Variants in RAN observed in about 807,000 individuals in gnomAD.
RAN encodes the protein GTP-binding nuclear protein Ran.
In RAN, 2 loss-of-function variants were observed where a neutral mutation model predicts 26.8. The ratio of observed to expected loss-of-function variants is 0.07; its 90% CI spans 0.03 to 0.23. RAN has a LOEUF of 0.23. RAN is among the 10% of genes least tolerant of loss of function. The probability of loss-of-function intolerance (pLI) is 1.00; values close to 1 mark genes in which losing one functional copy is unlikely to be tolerated. For synonymous variants in RAN, 132 were observed against 95.9 expected, an observed-to-expected ratio of 1.38 and a Z score of -2.20; for missense variants, 56 against 264.8, an observed-to-expected ratio of 0.21 and a Z score of 5.47.
At position 130,872,639 on chromosome 12, in the gene RAN, C is replaced by T. The variant is rs759761549; in HGVS notation, c.36+10C>T. On this transcript the variant is annotated intron_variant, in intron 2 of 6. Transcript: ENST00000543796. ...CCAGGTCCAGTTCAAAGTAGGTAAC[C>T]CTGCGGGGCGGGAGGCGGCCGAGCC... 11 of 1,525,534 alleles carry T rather than the reference C, an allele frequency of 7.2e-6. No individual in the cohort carries two copies. The highest frequency in any genetic ancestry group is 2.8e-5 in the African/African-American group (2 of 71,854). 94.5% of individuals were successfully genotyped at this position (1,525,534 alleles called of 1,614,324 possible).
chr12:130,876,146 C>T lies in RAN; in HGVS notation c.*220C>T. 1 of 576,102 alleles carries T rather than the reference C, an allele frequency of 1.7e-6. No homozygotes were observed. The highest frequency in any genetic ancestry group is 2.1e-5 in the South Asian group (1 of 46,606). The allele number at this position is 576,102 out of a possible 1,614,324, so 35.7% of individuals were successfully genotyped here. ...CTGCATATTTAGCTGTTTTGGAACG[C>T]AGTTGATTCCTTGAGTTTCATATAT... On this transcript the variant is annotated 3_prime_UTR_variant, in exon 7 of 7. Transcript: ENST00000543796.
chr12:130,875,932 A>C lies in RAN; in HGVS notation c.*6A>C. The C allele has an allele frequency of 6.2e-7, 1 of 1,613,996 alleles. No individual in the cohort carries two copies. The highest frequency in any genetic ancestry group is 1.3e-5 in the African/African-American group (1 of 75,052). ...ATGAGGATGATGACCTGTGAGAATG[A>C]AGCTGGAGCCCAGCGTCAGAAGTCT... is the stretch of plus-strand genomic sequence containing the variant. On this transcript the variant is annotated 3_prime_UTR_variant, in exon 7 of 7. Transcript: ENST00000543796.
chr12:130,872,147 C>T (rs751021957), intron 1 of RAN, 21 bp downstream of exon 1: 1 of 215,440 alleles, frequency 4.6e-6, no homozygotes, highest in Non-Finnish European at 1.0e-5. Context: ...CCGGCGGGCC[C>T]GGCACGGCCG....
At chr12:130,875,526 A>T in intron 5 of RAN, 86 bp from the exon 6 acceptor site, 2 of 1,269,996 alleles carry the variant, frequency 1.6e-6, no homozygotes, top group Non-Finnish European at 2.1e-6. Context: ...CAAGAATCTT[A>T]ACATTTTCTT....
intron 4 of RAN, chr12:130,873,921 G>T: frequency 4.6e-6 from 1 of 216,060 alleles, no homozygotes. Context: ...GCCCAACCTG[G>T]AGTGCAGCTT....
rs756073445 is a variant in RAN at position 130,874,527 on chromosome 12, C to G, written c.248-19C>G. On this transcript the variant is annotated intron_variant, in intron 4 of 6. Coordinates refer to ENST00000543796, the MANE Select transcript of RAN (RefSeq NM_006325.5). ...GTGCAGTAAACTGAGTGTACTAATT[C>G]CCACAAATGTTTCTTCAGCCCAGTG... 7 of 1,535,492 alleles carry G rather than the reference C, an allele frequency of 4.6e-6. No individual in the cohort carries two copies. Among genetic ancestry groups the G allele is most frequent in the Non-Finnish European group, 6.3e-6 (7 of 1,117,386 alleles).
chr12:130,873,163 A>T (rs1953170833), intron 4 of RAN, 35 bp downstream of exon 4: 1 of 1,613,394 alleles, frequency 6.2e-7, no homozygotes, highest in African/African-American at 1.3e-5. Context: ...GGTTTTTGAG[A>T]GGTTTTGTGT....
At chr12:130,872,663 C>G (rs1953160154) in intron 2 of RAN, 34 bp downstream of exon 2, 2 of 1,524,160 alleles carry the variant, frequency 1.3e-6, no homozygotes, top group Middle Eastern at 2.0e-4. Flanking sequence ...GGCGGCCGAG[C>G]CCGACCGCGT....
Position 130,876,183 on chromosome 12 carries a change from A to G in RAN, c.*257A>G. The G allele has an allele frequency of 1.9e-6, 1 of 515,372 alleles. No individual in the cohort carries two copies. The highest frequency in any genetic ancestry group is 3.5e-6 in the Non-Finnish European group (1 of 289,202). The allele number at this position is 515,372 out of a possible 1,614,324, so 31.9% of individuals were successfully genotyped here. A position where few individuals can be genotyped will look rare whatever the true frequency, so the allele number is the denominator to read the frequency against. Reference sequence around the variant, plus strand: ...TGAGTTTCATATATAAGACTGCTGCAGTCACATCACAATATTCAGTGGTGA... The same window carrying G: ...TGAGTTTCATATATAAGACTGCTGCGGTCACATCACAATATTCAGTGGTGA... On this transcript the variant is annotated 3_prime_UTR_variant, in exon 7 of 7. Transcript: ENST00000543796.
Position 130,874,601 on chromosome 12 carries a change from G to T in RAN, c.303G>T (p.Val101=), listed in dbSNP as rs777973850. ...DVTSRVTYKN[V]PNWHRDLVRV... is the part of the protein sequence containing the mutation. ...CATCGAGAGTTACTTACAAGAATGT[G>T]CCTAACTGGCATAGAGATCTGGTAC... The change falls in exon 5 of 7, where the codon GTG becomes GTT. Residue 101 remains valine (V), a synonymous_variant. Coordinates refer to ENST00000543796, the MANE Select transcript of RAN (RefSeq NM_006325.5). 11 of 1,603,132 alleles carry T rather than the reference G, an allele frequency of 6.9e-6. No individual in the cohort carries two copies. The South Asian group carries it at 1.2e-4, about 18-fold the overall frequency.
Position 130,872,135 on chromosome 12 carries a change from A to G in RAN, c.-11+9A>G. ...GGAGACGCTTCTGGAAGGTATCGCG[A>G]CCCGGCGGGCCCGGCACGGCCGGGC... On this transcript the variant is annotated intron_variant, in intron 1 of 6. Coordinates refer to ENST00000543796, the MANE Select transcript of RAN (RefSeq NM_006325.5). 1 of 241,172 alleles carries G rather than the reference A, an allele frequency of 4.1e-6. No homozygotes were observed. Among genetic ancestry groups the G allele is most frequent in the Non-Finnish European group, 9.1e-6 (1 of 109,688 alleles). The allele number at this position is 241,172 out of a possible 1,614,324, so 14.9% of individuals were successfully genotyped here.
At chr12:130,874,402 CAG>C (rs970369662) in intron 4 of RAN, 142 bp from the exon 5 acceptor site, 3 of 604,324 alleles carry the variant, frequency 5.0e-6, no homozygotes, top group Non-Finnish European at 2.8e-6. Context: ...TTAGAATTGA[CAG>C]AGACCTTGAA....
In RAN at chr12:130,876,184, G is replaced by A. The variant is rs1953236956; in HGVS notation, c.*258G>A. On this transcript the variant is annotated 3_prime_UTR_variant, in exon 7 of 7. Coordinates refer to ENST00000543796, the MANE Select transcript of RAN (RefSeq NM_006325.5). ...GAGTTTCATATATAAGACTGCTGCA[G>A]TCACATCACAATATTCAGTGGTGAA... The A allele has an allele frequency of 3.9e-6, 2 of 511,408 alleles. No individual in the cohort carries two copies. The highest frequency in any genetic ancestry group is 6.6e-5 in the East Asian group (2 of 30,272). The allele number at this position is 511,408 out of a possible 1,614,324, so 31.7% of individuals were successfully genotyped here. A position where few individuals can be genotyped will look rare whatever the true frequency, so the allele number is the denominator to read the frequency against.
intron 1 of RAN, 177 bp downstream of exon 1, chr12:130,872,303 GGCGCTAGCCCCC>G (rs979905447): frequency 6.5e-6 from 1 of 153,488 alleles, no homozygotes; most frequent in African/African-American, 2.4e-5. Flanking sequence ...GCGTGGGGTC[GGCGCTAGCCCCC>G]GCGAACCCCC....
chr12:130,874,490 C>T, intron 4 of RAN, 56 bp from the exon 5 acceptor site: 2 of 1,370,716 alleles, frequency 1.5e-6, no homozygotes, highest in African/African-American at 1.4e-5. Context: ...TGGTTCTTAG[C>T]ATTCTTCACT....
rs556697773 is a variant in RAN, at chr12:130,877,264, A to G, written c.*1338A>G. On this transcript the variant is annotated 3_prime_UTR_variant, in exon 7 of 7. Transcript: ENST00000543796. The stretch of plus-strand genomic sequence containing the variant: ...TCTGATAATCTTGAGATGATTGCTT[A>G]CCTTAAAAGGTATAGAAAGGATCAC... 6.6e-6 allele frequency: 1 copy of G among 152,342 alleles called. No individual in the cohort carries two copies. The highest frequency in any genetic ancestry group is 2.1e-4 in the South Asian group (1 of 4,826). 9.4% of individuals were successfully genotyped at this position (152,342 alleles called of 1,614,324 possible).
chr12:130,872,130 T>C lies in RAN; in HGVS notation c.-11+4T>C, dbSNP rs1326940824. The stretch of plus-strand genomic sequence containing the variant: ...GGCGCGGAGACGCTTCTGGAAGGTA[T>C]CGCGACCCGGCGGGCCCGGCACGGC... On this transcript the variant is annotated splice_donor_region_variant and intron_variant, in intron 1 of 6. Coordinates refer to ENST00000543796, the MANE Select transcript of RAN (RefSeq NM_006325.5). 4.0e-6 allele frequency: 1 copy of C among 252,946 alleles called. No homozygotes were observed. The highest frequency in any genetic ancestry group is 8.7e-6 in the Non-Finnish European group (1 of 115,324). The allele number at this position is 252,946 out of a possible 1,614,324, so 15.7% of individuals were successfully genotyped here.
rs981708836 is a variant in RAN, at chr12:130,877,072, C to T, written c.*1146C>T. The T allele has an allele frequency of 6.6e-6, 1 of 150,398 alleles. No homozygotes were observed. Among genetic ancestry groups the T allele is most frequent in the Non-Finnish European group, 1.5e-5 (1 of 67,738 alleles). The allele number at this position is 150,398 out of a possible 1,614,324, so 9.3% of individuals were successfully genotyped here. A position where few individuals can be genotyped will look rare whatever the true frequency, so the allele number is the denominator to read the frequency against. On this transcript the variant is annotated 3_prime_UTR_variant, in exon 7 of 7. Coordinates refer to ENST00000543796, the MANE Select transcript of RAN (RefSeq NM_006325.5). ...AAACTTTTTTTTTTTTTTAACTAAG[C>T]ATTTAATTTATCTTGCATATTTTCC...
chr12:130,875,079 G>A (rs1953213893), intron 5 of RAN, among the ~76,000 whole-genome samples: 1 of 152,154 alleles, frequency 6.6e-6, no homozygotes, highest in Non-Finnish European at 1.5e-5. Context: ...ACTTGCCTTG[G>A]CCTCCTAAAG....
Sources: gnomAD v4.1 joint callset for allele counts (sites outside exome capture counted in the v4.1 genomes callset) on GRCh38, gnomAD v4.1.1 for gene constraint, MANE v1.5 for transcripts, NCBI Gene and HGNC (gene_info 2026-07-23, HGNC 2026-07-21) for gene names.